The following RIMKLB variants were observed in gnomAD, a reference collection of about 807,000 sequenced individuals.
RIMKLB encodes beta-citrylglutamate synthase B.
RIMKLB carries 7 observed loss-of-function variants against 32.0 expected under a neutral mutation model. The observed-to-expected ratio is 0.22, with a 90% confidence interval of 0.12 to 0.41. RIMKLB has a LOEUF of 0.41. RIMKLB is among the 10% of genes least tolerant of loss of function. The pLI is 1.00. For synonymous variants in RIMKLB, 172 were observed against 185.1 expected, an observed-to-expected ratio of 0.93 and a Z score of 0.57; for missense variants, 289 against 498.7, an observed-to-expected ratio of 0.58 and a Z score of 4.00.
the RIMKLB span, among the ~76,000 whole-genome samples, chr12:8,676,382 CTTTTTTTTTTTT>C: frequency 4.4e-3 from 166 of 37,334 alleles, 1 homozygote; most frequent in African/African-American, 0.017. Flanking sequence ...CCCCCAACAG[CTTTTTTTTTTTT>C]TTTTTTTTTT....
chr12:8,758,110 TTTTAA>T (rs1949214673), intron 5 of RIMKLB, among the ~76,000 whole-genome samples: 1 of 152,144 alleles, frequency 6.6e-6, no homozygotes, highest in Non-Finnish European at 1.5e-5. Flanking sequence ...CATGTCATTA[TTTTAA>T]TTTATCTCTC....
chr12:8,671,795 C>T, the RIMKLB span, among the ~76,000 whole-genome samples: 1 of 152,032 alleles, frequency 6.6e-6, no homozygotes, highest in East Asian at 1.9e-4. Context: ...TGCCTGTAAT[C>T]CCAGCTACTC....
At chr12:8,741,641 G>A (rs139736025) in intron 2 of RIMKLB, among the ~76,000 whole-genome samples, 4,215 of 150,980 alleles carry the variant, frequency 0.028, 87 homozygotes, top group Middle Eastern at 0.044. Flanking sequence ...TTAGCCTGGC[G>A]TGATGGCGGG....
intron 2 of RIMKLB, among the ~76,000 whole-genome samples, chr12:8,728,529 C>T (rs1565585209): frequency 6.6e-6 from 1 of 152,078 alleles, no homozygotes; most frequent in Admixed American, 6.5e-5. Flanking sequence ...TTTTCTCCCC[C>T]TAGGTAGGTT....
intron 5 of RIMKLB, among the ~76,000 whole-genome samples, chr12:8,766,033 C>T (rs1466259848): frequency 6.6e-6 from 1 of 151,822 alleles, no homozygotes; most frequent in African/African-American, 2.4e-5. Context: ...TCTTTCTTAG[C>T]GTTTGAGGGT....
chr12:8,703,535 A>G (rs758191768), intron 1 of RIMKLB, among the ~76,000 whole-genome samples: 74 of 151,878 alleles, frequency 4.9e-4, no homozygotes, highest in African/African-American at 1.6e-3. Flanking sequence ...AGACCCCACT[A>G]TGTTGCCCAG....
At chr12:8,695,555 C>T (rs995179474), upstream of RIMKLB, among the ~76,000 whole-genome samples, 1 of 146,146 alleles carries the variant, frequency 6.8e-6, no homozygotes, top group Non-Finnish European at 1.5e-5. Flanking sequence ...TGTGTTTAAG[C>T]CTTATCATTG....
At chr12:8,712,910 G>T (rs1485426376) in intron 1 of RIMKLB, among the ~76,000 whole-genome samples, 1 of 151,942 alleles carries the variant, frequency 6.6e-6, no homozygotes, top group Non-Finnish European at 1.5e-5. Context: ...TTGACATTTT[G>T]TTTTTTTGGT....
In RIMKLB at chr12:8,774,801, T is replaced by G; in HGVS notation, c.*1017T>G. On this transcript the variant is annotated 3_prime_UTR_variant, in exon 6 of 6. Transcript: ENST00000535829. ...GGGCAAATCAAGAGCCTATGAGTTC[T>G]AAGTATAAAGCTGAAGTGATTTCGA... 7.1e-6 allele frequency: 7 copies of G among 985,658 alleles called. No individual in the cohort carries two copies. The highest frequency in any genetic ancestry group is 8.4e-6 in the Non-Finnish European group (7 of 829,898). The allele number at this position is 985,658 out of a possible 1,614,324, so 61.1% of individuals were successfully genotyped here.
chr12:8,730,580 T>A (rs1053496149), intron 2 of RIMKLB, among the ~76,000 whole-genome samples: 3 of 152,298 alleles, frequency 2.0e-5, no homozygotes, highest in Admixed American at 2.0e-4. Context: ...TAGACAGATC[T>A]GAATATTGCT....
At chr12:8,717,586 A>G (rs752235053) in intron 2 of RIMKLB, among the ~76,000 whole-genome samples, 1 of 152,186 alleles carries the variant, frequency 6.6e-6, no homozygotes, top group Admixed American at 6.5e-5. Context: ...CATGGAGTCA[A>G]CTTTCTTCTT....
chr12:8,691,778 C>T (rs1942740888), intron 1 of RIMKLB, among the ~76,000 whole-genome samples: 1 of 152,148 alleles, frequency 6.6e-6, no homozygotes, highest in Non-Finnish European at 1.5e-5. Flanking sequence ...AACAGCAAGG[C>T]AGATCAGGAT....
chr12:8,778,959 T>G (rs75954837), downstream of RIMKLB: 9 of 152,382 alleles, frequency 5.9e-5, no homozygotes, highest in Admixed American at 2.0e-4. Context: ...TTGACTCTTA[T>G]AAGGACAGTC....
chr12:8,717,781 G>A (rs1205812616), intron 2 of RIMKLB, among the ~76,000 whole-genome samples: 1 of 151,884 alleles, frequency 6.6e-6, no homozygotes, highest in Non-Finnish European at 1.5e-5. Flanking sequence ...TTAATCTCTC[G>A]GAATTATGGC....
At chr12:8,735,882 T>C (rs1029765389) in intron 2 of RIMKLB, among the ~76,000 whole-genome samples, 2 of 151,856 alleles carry the variant, frequency 1.3e-5, no homozygotes, top group Non-Finnish European at 2.9e-5. Flanking sequence ...AGGCATGCAC[T>C]GCCACGCCCC....
At chr12:8,678,617 T>A (rs954171576), upstream of RIMKLB, among the ~76,000 whole-genome samples, 1 of 152,212 alleles carries the variant, frequency 6.6e-6, no homozygotes, top group South Asian at 2.1e-4. Context: ...CATGAGCCAC[T>A]GCGCCCAGTG....
chr12:8,772,110 A>C (rs57750938), intron 5 of RIMKLB, among the ~76,000 whole-genome samples: 4,990 of 152,214 alleles, frequency 0.033, 268 homozygotes, highest in African/African-American at 0.11. Flanking sequence ...GCTGGTCTTG[A>C]ACTCCTGACC....
rs1331457474 is a variant in RIMKLB at position 8,773,502 on chromosome 12, A to G, written c.879A>G (p.Leu293=). The G allele has an allele frequency of 6.2e-7, 1 of 1,614,136 alleles. No homozygotes were observed. The highest frequency in any genetic ancestry group is 8.5e-7 in the Non-Finnish European group (1 of 1,180,052). ...GFIAFDKACN[L]DVAGIIADYA... ...TCGCCTTTGATAAGGCTTGTAATCT[A>G]GATGTAGCTGGTATCATAGCAGACT... is the stretch of plus-strand genomic sequence containing the variant. Residue 293 remains leucine, a synonymous_variant, in exon 6 of 6, where the codon CTA becomes CTG. Transcript: ENST00000535829.
chr12:8,696,525 T>G (rs1040649405), upstream of RIMKLB, among the ~76,000 whole-genome samples: 7 of 152,198 alleles, frequency 4.6e-5, no homozygotes, highest in African/African-American at 1.7e-4. Flanking sequence ...TATATACTTA[T>G]TAACTCATTT....
Sources: allele counts gnomAD v4.1 joint callset (sites outside exome capture counted in the v4.1 genomes callset), GRCh38; gene constraint gnomAD v4.1.1; transcripts MANE v1.5; gene names NCBI Gene and HGNC (gene_info 2026-07-23, HGNC 2026-07-21).